Variants in MMACHC observed in about 807,000 individuals in gnomAD.
MMACHC encodes the protein cyanocobalamin reductase / alkylcobalamin dealkylase.
A neutral mutation model predicts 17.6 loss-of-function variants in MMACHC; 14 were observed. The observed-to-expected ratio is 0.80, with a 90% confidence interval of 0.53 to 1.25. The LOEUF is 1.25. Among genes scored for constraint, MMACHC ranks in the 50% most tolerant of loss-of-function variants. MMACHC has a pLI of 0.00. For missense variants in MMACHC, 392 were observed against 364.5 expected, an observed-to-expected ratio of 1.08 and a Z score of -0.62; for synonymous variants, 151 against 142.1, an observed-to-expected ratio of 1.06 and a Z score of -0.45.
rs16832553 is a variant in MMACHC, at chr1:45,511,456, G to A, written c.*2241G>A. ...CCACTAATTAATAACCTTCTCAATG[G>A]TATGCACCACCATTCTCCTATGGAC... On this transcript the variant is annotated 3_prime_UTR_variant, in exon 4 of 4. Transcript: ENST00000401061. 2.0e-6 allele frequency: 3 copies of A among 1,528,352 alleles called. No homozygotes were observed. In the East Asian group the frequency reaches 6.8e-5, roughly 34 times the overall value. The allele number at this position is 1,528,352 out of a possible 1,614,324, so 94.7% of individuals were successfully genotyped here.
chr1:45,502,773 C>T (rs1195039928), intron 1 of MMACHC, among the ~76,000 whole-genome samples: 4 of 150,452 alleles, frequency 2.7e-5, no homozygotes, highest in African/African-American at 9.8e-5. Context: ...GGTGCGATCT[C>T]AGCTCACCAC....
At chr1:45,508,132 A>G in intron 2 of MMACHC, 80 bp from the exon 3 acceptor site, 1 of 1,559,996 alleles carries the variant, frequency 6.4e-7, no homozygotes, top group Non-Finnish European at 8.8e-7. Flanking sequence ...TCACACACAC[A>G]AAACAAACTA....
In MMACHC at chr1:45,509,416, GTTTTTTT is replaced by G. The variant is rs56934185; in HGVS notation, c.*211_*217del. On this transcript the variant is annotated 3_prime_UTR_variant, in exon 4 of 4. Transcript: ENST00000401061. Reference sequence around the variant, plus strand: ...AGAATTCCCATCTGCCTTCAAATGAGTTTTTTTTTTTTTTTTAGACAGAGTCTTACTC... The same window carrying G: ...AGAATTCCCATCTGCCTTCAAATGAGTTTTTTTTTAGACAGAGTCTTACTC... 1.5e-5 allele frequency: 6 copies of G among 391,734 alleles called. No individual in the cohort carries two copies. Among genetic ancestry groups the G allele is most frequent in the Middle Eastern group, 1.5e-3 (2 of 1,360 alleles). The allele number at this position is 391,734 out of a possible 1,614,324, so 24.3% of individuals were successfully genotyped here.
Position 45,509,553 on chromosome 1 carries a change from C to T in MMACHC, c.*338C>T. 10 of 227,054 alleles carry T rather than the reference C, an allele frequency of 4.4e-5. No individual in the cohort carries two copies. Among genetic ancestry groups the T allele is most frequent in the South Asian group, 7.8e-5 (1 of 12,788 alleles). The allele number at this position is 227,054 out of a possible 1,614,324, so 14.1% of individuals were successfully genotyped here. The stretch of plus-strand genomic sequence containing the variant: ...TCAGCCTCCTGAGTAGCTGGGATGA[C>T]AGGTGCCTGCCACTACACCTGGCTA... On this transcript the variant is annotated 3_prime_UTR_variant, in exon 4 of 4. Transcript: ENST00000401061.
chr1:45,507,394 C>G lies in MMACHC; in HGVS notation c.120C>G (p.His40Gln). ...WYNELLPPAF[H>Q]LPLPGPTLAF... ...ATGAACTCTTGCCTCCAGCCTTCCA[C>G]CTACCGCTGCCAGGACCTACCCTGG... Residue 40 changes from histidine (H) to glutamine (Q), a missense_variant, in exon 2 of 4, where the codon CAC becomes CAG. Coordinates refer to ENST00000401061, the MANE Select transcript of MMACHC (RefSeq NM_015506.3). The G allele has an allele frequency of 1.2e-6, 2 of 1,614,154 alleles. No homozygotes were observed. Among genetic ancestry groups the G allele is most frequent in the Non-Finnish European group, 1.7e-6 (2 of 1,180,020 alleles).
At position 45,507,411 on chromosome 1, in the gene MMACHC, C is replaced by G. The variant is rs2149323209; in HGVS notation, c.137C>G (p.Pro46Arg). The G allele has an allele frequency of 1.9e-6, 3 of 1,614,166 alleles. No individual in the cohort carries two copies. Among genetic ancestry groups the G allele is most frequent in the Non-Finnish European group, 2.5e-6 (3 of 1,180,026 alleles). Reference protein sequence around the residue: ...PPAFHLPLPGPTLAFLVLSTP... With the variant: ...PPAFHLPLPGRTLAFLVLSTP... ...GCCTTCCACCTACCGCTGCCAGGAC[C>G]TACCCTGGCCTTCCTGGTACTCAGC... The change falls in exon 2 of 4, where the codon CCT (proline) becomes CGT (arginine). Residue 46 changes from proline to arginine, a missense_variant. Transcript: ENST00000401061.
Position 45,511,545 on chromosome 1 carries a change from T to A in MMACHC, c.*2330T>A. On this transcript the variant is annotated 3_prime_UTR_variant, in exon 4 of 4. Transcript: ENST00000401061. ...ACCTACCCCTGCAATCAGTCTTAGA[T>A]CATTCACCCTTTTAGTATGAGCTAA... is the stretch of plus-strand genomic sequence containing the variant. 1 of 597,514 alleles carries A rather than the reference T, an allele frequency of 1.7e-6. No homozygotes were observed. The highest frequency in any genetic ancestry group is 2.9e-6 in the Non-Finnish European group (1 of 346,694). 37.0% of individuals were successfully genotyped at this position (597,514 alleles called of 1,614,324 possible). A position where few individuals can be genotyped will look rare whatever the true frequency, so the allele number is the denominator to read the frequency against.
chr1:45,507,277 GA>G, intron 1 of MMACHC, 78 bp from the exon 2 acceptor site: 1 of 1,379,610 alleles, frequency 7.2e-7, no homozygotes, highest in Non-Finnish European at 1.0e-6. Flanking sequence ...GCAAAAGTGT[GA>G]GGCCTGAAGG....
In MMACHC at chr1:45,513,080, A is replaced by C. The variant is rs1001918843; in HGVS notation, c.*3865A>C. The C allele has an allele frequency of 2.3e-4, 35 of 152,372 alleles. No individual in the cohort carries two copies. The highest frequency in any genetic ancestry group is 8.2e-4 in the African/African-American group (34 of 41,572). 9.4% of individuals were successfully genotyped at this position (152,372 alleles called of 1,614,324 possible). A position where few individuals can be genotyped will look rare whatever the true frequency, so the allele number is the denominator to read the frequency against. ...ATGGCTCAGGGGAGGCGGAGGTTGC[A>C]GTGAGCCAAGACTGCGCCACTGCAC... On this transcript the variant is annotated 3_prime_UTR_variant, in exon 4 of 4. Transcript: ENST00000401061.
chr1:45,509,138 A>C lies in MMACHC; in HGVS notation c.772A>C (p.Lys258Gln). 6.2e-7 allele frequency: 1 copy of C among 1,612,886 alleles called. No homozygotes were observed. Among genetic ancestry groups the C allele is most frequent in the Non-Finnish European group, 8.5e-7 (1 of 1,179,596 alleles). The change falls in exon 4 of 4, where the codon AAG becomes CAG. Residue 258 changes from lysine to glutamine, a missense_variant. By Grantham distance (53) the Lys-to-Gln change is moderately conservative (BLOSUM62 1). Transcript: ENST00000401061. ...PDLPFTTPAP[K>Q]KPGNPSRARS... ...CCTTCCCTTTACCACACCCGCCCCCAAGAAGCCTGGGAATCCCAGCAGAGC... is the reference window on the plus strand; with the variant it reads ...CCTTCCCTTTACCACACCCGCCCCCCAGAAGCCTGGGAATCCCAGCAGAGC...
chr1:45,500,541 C>A, intron 1 of MMACHC, 128 bp downstream of exon 1: 1 of 903,768 alleles, frequency 1.1e-6, no homozygotes, highest in Non-Finnish European at 1.8e-6. Context: ...ACAACAGGGA[C>A]AGAGTTTCAG....
chr1:45,504,016 A>T (rs1038122618), intron 1 of MMACHC, among the ~76,000 whole-genome samples: 1 of 152,244 alleles, frequency 6.6e-6, no homozygotes, highest in African/African-American at 2.4e-5. Context: ...AATTTCTTGG[A>T]TGTCCAGGCC....
chr1:45,507,280 G>A (rs1643635116), intron 1 of MMACHC, 76 bp from the exon 2 acceptor site: 1 of 1,405,988 alleles, frequency 7.1e-7, no homozygotes, highest in Non-Finnish European at 9.9e-7. Context: ...AAAGTGTGAG[G>A]CCTGAAGGTT....
intron 1 of MMACHC, 58 bp from the exon 2 acceptor site, chr1:45,507,298 G>C: frequency 1.3e-6 from 2 of 1,548,766 alleles, no homozygotes; most frequent in Non-Finnish European, 1.8e-6. Context: ...GTTAAGGTGT[G>C]GGCCAGGCTG....
At chr1:45,502,759 C>T (rs548913184) in intron 1 of MMACHC, among the ~76,000 whole-genome samples, 14 of 149,690 alleles carry the variant, frequency 9.4e-5, no homozygotes, top group Non-Finnish European at 1.6e-4. Context: ...GGCTGGAGTG[C>T]AATGGTGCGA....
At chr1:45,506,900 G>A (rs956574304) in intron 1 of MMACHC, among the ~76,000 whole-genome samples, 4 of 151,430 alleles carry the variant, frequency 2.6e-5, no homozygotes, top group Non-Finnish European at 5.9e-5. Context: ...GGTGGCTCAC[G>A]CCTATATAAT....
In MMACHC at chr1:45,509,036, T is replaced by C; in HGVS notation, c.670T>C (p.Ser224Pro). The C allele has an allele frequency of 6.2e-7, 1 of 1,614,112 alleles. No homozygotes were observed. The highest frequency in any genetic ancestry group is 8.5e-7 in the Non-Finnish European group (1 of 1,180,000). The change falls in exon 4 of 4, where the codon TCC (serine) becomes CCC (proline). Residue 224 changes from serine (S) to proline (P), a missense_variant. Transcript: ENST00000401061. ...CTCAGAAGAGCAGAAGGCCTACTTC[T>C]CCACTCCACCTGCCCAACGATTGGC... ...RYSEEQKAYF[S>P]TPPAQRLALL...
Position 45,512,965 on chromosome 1 carries a change from C to T in MMACHC, c.*3750C>T, listed in dbSNP as rs923268070. On this transcript the variant is annotated 3_prime_UTR_variant, in exon 4 of 4. Coordinates refer to ENST00000401061, the MANE Select transcript of MMACHC (RefSeq NM_015506.3). The stretch of plus-strand genomic sequence containing the variant: ...CCTTTGGGTCTTCCCAAACATACAC[C>T]ACTAATCCAGACTCTAATAACTTCA... 2 of 152,140 alleles carry T rather than the reference C, an allele frequency of 1.3e-5. No homozygotes were observed. Among genetic ancestry groups the T allele is most frequent in the African/African-American group, 4.8e-5 (2 of 41,424 alleles). The allele number at this position is 152,140 out of a possible 1,614,324, so 9.4% of individuals were successfully genotyped here.
chr1:45,506,203 G>A (rs1247948459), intron 1 of MMACHC, among the ~76,000 whole-genome samples: 1 of 152,154 alleles, frequency 6.6e-6, no homozygotes, highest in African/African-American at 2.4e-5. Context: ...ACGGCATTGA[G>A]GGTTCAGGTG....
Sources: allele counts gnomAD v4.1 joint callset (sites outside exome capture counted in the v4.1 genomes callset), GRCh38; gene constraint gnomAD v4.1.1; transcripts MANE v1.5; gene names NCBI Gene and HGNC (gene_info 2026-07-23, HGNC 2026-07-21).